The following SLC4A4 variants were observed in gnomAD, a reference collection of about 807,000 sequenced individuals.
The protein encoded by SLC4A4 is solute carrier family 4 member 4, also known as electrogenic sodium bicarbonate cotransporter 1.
Under a neutral mutation model 111.5 loss-of-function variants are expected in SLC4A4, and 27 were observed. The observed-to-expected ratio is 0.24, with a 90% CI of 0.18 to 0.33. SLC4A4 has a LOEUF of 0.33. SLC4A4 is among the 10% of genes least tolerant of loss of function. The pLI is 1.00. For synonymous variants in SLC4A4, 443 were observed against 463.4 expected (o/e 0.96, Z 0.57); for missense variants, 909 against 1,315.5 (o/e 0.69, Z 4.78).
intron 2 of SLC4A4, among the ~76,000 whole-genome samples, chr4:71,171,278 A>T (rs1031428317): frequency 1.3e-5 from 2 of 151,878 alleles, no homozygotes; most frequent in East Asian, 3.9e-4. Context: ...GAGAGTGTGG[A>T]TGTTGGGAGG....
intron 3 of SLC4A4, among the ~76,000 whole-genome samples, chr4:71,313,715 A>T (rs1726412406): frequency 2.0e-5 from 3 of 152,338 alleles, no homozygotes; most frequent in Admixed American, 6.5e-5. Context: ...CTGGCTAGCC[A>T]TATGAAGAAA....
intron 4 of SLC4A4, among the ~76,000 whole-genome samples, chr4:71,340,902 A>G (rs1728856690): frequency 6.6e-6 from 1 of 152,182 alleles, no homozygotes; most frequent in Non-Finnish European, 1.5e-5. Flanking sequence ...AGCATTACAC[A>G]AATACCTGGG....
chr4:71,157,158 G>T (rs888811870), intron 2 of SLC4A4, among the ~76,000 whole-genome samples: 2 of 152,108 alleles, frequency 1.3e-5, no homozygotes, highest in East Asian at 3.9e-4. Context: ...AAGTTCAACT[G>T]ATATCTGTAA....
In SLC4A4 at chr4:71,568,307, C is replaced by CT. The variant is rs1380244944; in HGVS notation, c.*558dup. 6 of 165,806 alleles carry CT rather than the reference C, an allele frequency of 3.6e-5. No individual in the cohort carries two copies. Among genetic ancestry groups the CT allele is most frequent in the African/African-American group, 1.4e-4 (6 of 41,462 alleles). The allele number at this position is 165,806 out of a possible 1,614,324, so 10.3% of individuals were successfully genotyped here. ...CTTGTCTTTGTCTGGTAGAACAAAC[C>CT]TTGACCTCCAGACAGAGTCCCTTCT... is the stretch of plus-strand genomic sequence containing the variant. On this transcript the variant is annotated 3_prime_UTR_variant, in exon 26 of 26. Coordinates refer to ENST00000264485, the MANE Select transcript of SLC4A4 (RefSeq NM_001098484.3).
chr4:71,310,852 T>C (rs1036243715), intron 3 of SLC4A4, among the ~76,000 whole-genome samples: 5 of 152,158 alleles, frequency 3.3e-5, no homozygotes, highest in Admixed American at 3.3e-4. Context: ...TAAATGTAAA[T>C]GGGCTAAGTG....
chr4:71,171,515 G>A (rs1316616171), intron 2 of SLC4A4, among the ~76,000 whole-genome samples: 1 of 152,122 alleles, frequency 6.6e-6, no homozygotes, highest in Non-Finnish European at 1.5e-5. Flanking sequence ...CTGTTGTCTA[G>A]TTTCCATGGG....
chr4:71,376,053 G>GTA lies in SLC4A4; in HGVS notation c.730+18877_730+18878dup, dbSNP rs1361018036. 3.1e-4 allele frequency among the ~76,000 whole-genome samples: 43 copies of GTA among 140,940 alleles called. 1 individual carries two copies. The highest frequency in any genetic ancestry group is 2.2e-3 in the Admixed American group (30 of 13,826). The allele number at this position is 140,940 out of a possible 152,430, so 92.5% of individuals were successfully genotyped here. A position where few individuals can be genotyped will look rare whatever the true frequency, so the allele number is the denominator to read the frequency against. ...ACTACATATATATACATATATACAC[G>GTA]TATATATATATACATATACACGTAT... On this transcript the variant is annotated intron_variant, in intron 6 of 25. Coordinates refer to ENST00000264485, the MANE Select transcript of SLC4A4 (RefSeq NM_001098484.3).
In SLC4A4 at chr4:71,376,248, C is replaced by A. The variant is rs185836109; in HGVS notation, c.730+19061C>A. On this transcript the variant is annotated intron_variant, in intron 6 of 25. Coordinates refer to ENST00000264485, the MANE Select transcript of SLC4A4 (RefSeq NM_001098484.3). ...ACGGAGTCTCGCTCTGTCACCCAGG[C>A]TGGAGTGCAGTGGCGCGATATCGGC... Among the ~76,000 whole-genome samples, 349 of 151,380 alleles carry A rather than the reference C, an allele frequency of 2.3e-3. 1 individual carries two copies. The highest frequency in any genetic ancestry group is 8.1e-3 in the African/African-American group (335 of 41,286).
At chr4:71,369,414 C>T (rs1731645310) in intron 6 of SLC4A4, among the ~76,000 whole-genome samples, 1 of 152,138 alleles carries the variant, frequency 6.6e-6, no homozygotes, top group African/African-American at 2.4e-5. Flanking sequence ...GTGGGGCTGG[C>T]ACTGGCAGCC....
chr4:71,221,317 C>A (rs1211082499), intron 1 of SLC4A4, among the ~76,000 whole-genome samples: 1 of 152,158 alleles, frequency 6.6e-6, no homozygotes. Flanking sequence ...CTGTGAAGGA[C>A]AGTGTTTTTA....
At chr4:71,172,259 CTTTT>C (rs745577250) in intron 2 of SLC4A4, among the ~76,000 whole-genome samples, 1 of 143,332 alleles carries the variant, frequency 7.0e-6, no homozygotes, top group Non-Finnish European at 1.5e-5. Flanking sequence ...CTTTTTCTTT[CTTTT>C]TTTTTTTTTT....
chr4:71,161,955 A>G (rs188102959), intron 2 of SLC4A4, among the ~76,000 whole-genome samples: 2 of 152,182 alleles, frequency 1.3e-5, no homozygotes, highest in African/African-American at 4.8e-5. Context: ...ATCCCAATCT[A>G]CTAATTGGGT....
chr4:71,477,756 C>G (rs538684312), intron 14 of SLC4A4, among the ~76,000 whole-genome samples: 1 of 151,826 alleles, frequency 6.6e-6, no homozygotes, highest in African/African-American at 2.4e-5. Flanking sequence ...CACTTGTTTT[C>G]TCTTCTGTCC....
chr4:71,526,398 G>T (rs1733424189), intron 16 of SLC4A4, among the ~76,000 whole-genome samples: 1 of 151,980 alleles, frequency 6.6e-6, no homozygotes, highest in Non-Finnish European at 1.5e-5. Context: ...TTTTAATGAG[G>T]TTAAGCAACA....
rs1734679757 is a variant in SLC4A4, at chr4:71,537,701, G to T, written c.2442+3313G>T. Among the ~76,000 whole-genome samples the T allele has an allele frequency of 2.0e-5, 3 of 151,284 alleles. No homozygotes were observed. In the South Asian group the frequency reaches 6.2e-4, roughly 31 times the overall value. ...ATGTGTTCCCACTATCTTTCTCTGT[G>T]GGGTATTTTTTTTTTGATTGGCCAA... On this transcript the variant is annotated intron_variant, in intron 18 of 25. Coordinates refer to ENST00000264485, the MANE Select transcript of SLC4A4 (RefSeq NM_001098484.3).
chr4:71,380,007 C>T (rs894840862), intron 6 of SLC4A4, among the ~76,000 whole-genome samples: 2 of 151,942 alleles, frequency 1.3e-5, no homozygotes, highest in Admixed American at 6.6e-5. Context: ...GGACACTTAA[C>T]CTGAAAGGGA....
chr4:71,116,829 G>T (rs1041658227), intron 2 of SLC4A4, among the ~76,000 whole-genome samples: 2 of 152,078 alleles, frequency 1.3e-5, no homozygotes, highest in Admixed American at 1.3e-4. Flanking sequence ...TGTAATCCCA[G>T]CTACTGAGGA....
intron 2 of SLC4A4, among the ~76,000 whole-genome samples, chr4:71,136,478 C>A (rs1743846735): frequency 6.6e-6 from 1 of 152,090 alleles, no homozygotes; most frequent in South Asian, 2.1e-4. Flanking sequence ...GCCTGTTAAC[C>A]CCATGTGGTG....
At chr4:71,294,663 A>G (rs1343497148) in intron 3 of SLC4A4, among the ~76,000 whole-genome samples, 1 of 152,204 alleles carries the variant, frequency 6.6e-6, no homozygotes, top group Non-Finnish European at 1.5e-5. Flanking sequence ...GCCATCAATT[A>G]CAGAAGACAC....
Sources: allele counts gnomAD v4.1 joint callset (sites outside exome capture counted in the v4.1 genomes callset), GRCh38; gene constraint gnomAD v4.1.1; transcripts MANE v1.5; gene names NCBI Gene and HGNC (gene_info 2026-07-23, HGNC 2026-07-21).